SPA17: variants seen among roughly 807,000 people sequenced by gnomAD.
SPA17 encodes sperm surface protein Sp17.
Under a neutral mutation model 13.8 loss-of-function variants are expected in SPA17, and 7 were observed. The observed-to-expected ratio is 0.51, with a 90% CI of 0.29 to 0.95. The LOEUF (loss-of-function observed/expected upper bound fraction) is 0.95, where lower values mean the gene tolerates loss of function less well. Among genes scored for constraint, SPA17 ranks in the 40% least tolerant of loss-of-function variants. The pLI is 0.08. For missense variants in SPA17, 170 were observed against 179.3 expected (o/e 0.95, Z 0.30); for synonymous variants, 61 against 59.0 (o/e 1.03, Z -0.16).
intron 2 of SPA17, among the ~76,000 whole-genome samples, chr11:124,678,516 CTGTGTGTGTGTG>C (rs60663679): frequency 1.3e-4 from 19 of 143,364 alleles, no homozygotes; most frequent in Non-Finnish European, 2.2e-4. Context: ...GAATACATAA[CTGTGTGTGTGTG>C]TGTGTGTGTG....
intron 3 of SPA17, among the ~76,000 whole-genome samples, chr11:124,684,949 G>A (rs995596836): frequency 2.0e-5 from 3 of 152,212 alleles, no homozygotes; most frequent in African/African-American, 7.2e-5. Context: ...CATTCAAGAG[G>A]AAGCAGATCA....
intron 4 of SPA17, among the ~76,000 whole-genome samples, chr11:124,693,932 AAACAT>A (rs1643867263): frequency 6.6e-6 from 1 of 152,212 alleles, no homozygotes; most frequent in African/African-American, 2.4e-5. Flanking sequence ...GATTATTTTG[AAACAT>A]AACATTTACA....
intron 2 of SPA17, among the ~76,000 whole-genome samples, chr11:124,679,640 C>A (rs1439699548): frequency 6.6e-6 from 1 of 152,166 alleles, no homozygotes; most frequent in Non-Finnish European, 1.5e-5. Flanking sequence ...AGTGAGCACC[C>A]AGCTTCCAGG....
intron 2 of SPA17, among the ~76,000 whole-genome samples, chr11:124,680,588 T>G (rs1427177591): frequency 1.3e-5 from 2 of 152,118 alleles, no homozygotes; most frequent in Admixed American, 6.5e-5. Context: ...TGGAAGAAAT[T>G]TGGATAGTTG....
chr11:124,679,498 A>C (rs1943505201), intron 2 of SPA17, among the ~76,000 whole-genome samples: 1 of 152,254 alleles, frequency 6.6e-6, no homozygotes, highest in African/African-American at 2.4e-5. Flanking sequence ...GAAAGAGGTT[A>C]ATAAAATCCT....
chr11:124,685,472 CT>C (rs1943569280), intron 3 of SPA17, among the ~76,000 whole-genome samples: 1 of 152,228 alleles, frequency 6.6e-6, no homozygotes, highest in Admixed American at 6.5e-5. Context: ...AGAACCTCTA[CT>C]AGGGTAGTGC....
chr11:124,688,884 G>A (rs909269100), intron 3 of SPA17, among the ~76,000 whole-genome samples: 8 of 152,160 alleles, frequency 5.3e-5, no homozygotes, highest in Admixed American at 4.6e-4. Context: ...ACTTTTAGTG[G>A]AAAAGACAGC....
At chr11:124,682,635 C>T (rs1483965109) in intron 3 of SPA17, among the ~76,000 whole-genome samples, 1 of 151,862 alleles carries the variant, frequency 6.6e-6, no homozygotes, top group Admixed American at 6.6e-5. Context: ...ATAGACTAGA[C>T]TAAGTGGAAC....
chr11:124,685,640 C>G (rs1448432825), intron 3 of SPA17, among the ~76,000 whole-genome samples: 1 of 152,168 alleles, frequency 6.6e-6, no homozygotes, highest in Admixed American at 6.5e-5. Context: ...CACATGAAAG[C>G]AGCCAGGAAG....
At position 124,674,203 on chromosome 11, in the gene SPA17, A is replaced by G. The variant is rs181458299; in HGVS notation, c.-28+251A>G. Reference sequence around the variant, plus strand: ...TCTCGCCAGCTCTTTTCACCACTCTAGAATGGTTCGATACCCCCATCTACT... The same window carrying G: ...TCTCGCCAGCTCTTTTCACCACTCTGGAATGGTTCGATACCCCCATCTACT... On this transcript the variant is annotated intron_variant, in intron 1 of 4. Coordinates refer to ENST00000227135, the MANE Select transcript of SPA17 (RefSeq NM_017425.4). The G allele has an allele frequency of 3.8e-5, 6 of 156,576 alleles. No individual in the cohort carries two copies. In the East Asian group the frequency reaches 9.4e-4, roughly 25 times the overall value. 9.7% of individuals were successfully genotyped at this position (156,576 alleles called of 1,614,324 possible). A position where few individuals can be genotyped will look rare whatever the true frequency, so the allele number is the denominator to read the frequency against.
intron 3 of SPA17, among the ~76,000 whole-genome samples, chr11:124,690,491 T>G (rs1467129730): frequency 6.6e-6 from 1 of 152,116 alleles, no homozygotes; most frequent in Non-Finnish European, 1.5e-5. Flanking sequence ...GAAAGGAGAA[T>G]AATGAGAAAT....
intron 3 of SPA17, among the ~76,000 whole-genome samples, chr11:124,687,102 G>A (rs537012143): frequency 3.0e-4 from 46 of 151,970 alleles, no homozygotes; most frequent in Admixed American, 2.6e-3. Flanking sequence ...AAAAGAAGAC[G>A]TTACAACTGA....
chr11:124,679,937 G>GT (rs1180879107), intron 2 of SPA17, among the ~76,000 whole-genome samples: 2 of 151,858 alleles, frequency 1.3e-5, no homozygotes, highest in African/African-American at 2.4e-5. Flanking sequence ...ATTTGTGATG[G>GT]TTAAAAAAAA....
chr11:124,679,423 A>C (rs566348361), intron 2 of SPA17, among the ~76,000 whole-genome samples: 2 of 152,306 alleles, frequency 1.3e-5, no homozygotes, highest in South Asian at 4.1e-4. Context: ...CAAGTAAGCA[A>C]CTAAGCTAGT....
intron 4 of SPA17, 84 bp from the exon 5 acceptor site, chr11:124,694,219 G>A: frequency 6.6e-7 from 1 of 1,524,756 alleles, no homozygotes; most frequent in Non-Finnish European, 8.9e-7. Context: ...TCCCTAAAAT[G>A]ATTAAATTTC....
intron 3 of SPA17, among the ~76,000 whole-genome samples, chr11:124,685,220 TG>T (rs1482498489): frequency 6.6e-6 from 1 of 152,240 alleles, no homozygotes. Flanking sequence ...CCTCGGGACA[TG>T]GTGACCTGTG....
At chr11:124,682,978 G>A (rs1248669700) in intron 3 of SPA17, among the ~76,000 whole-genome samples, 1 of 150,812 alleles carries the variant, frequency 6.6e-6, no homozygotes, top group Non-Finnish European at 1.5e-5. Context: ...TCTAAAAACA[G>A]CAAGATGAGA....
At chr11:124,684,716 T>C (rs1490002025) in intron 3 of SPA17, among the ~76,000 whole-genome samples, 2 of 152,218 alleles carry the variant, frequency 1.3e-5, no homozygotes, top group Non-Finnish European at 2.9e-5. Context: ...AGAGACTTGT[T>C]GAATGGCTTT....
At chr11:124,689,454 A>G (rs1215818830) in intron 3 of SPA17, among the ~76,000 whole-genome samples, 1 of 152,218 alleles carries the variant, frequency 6.6e-6, no homozygotes, top group African/African-American at 2.4e-5. Context: ...AGGGAGTCCA[A>G]CAATTCAACA....
Sources: allele counts gnomAD v4.1 joint callset (sites outside exome capture counted in the v4.1 genomes callset), GRCh38; gene constraint gnomAD v4.1.1; transcripts MANE v1.5; gene names NCBI Gene and HGNC (gene_info 2026-07-23, HGNC 2026-07-21).